The following HORMAD1 variants were observed in gnomAD, a reference collection of about 807,000 sequenced individuals.
HORMAD1 encodes HORMA domain containing 1.
A neutral mutation model predicts 58.2 loss-of-function variants in HORMAD1; 33 were observed. That is an observed-to-expected ratio of 0.57 (90% CI 0.43 to 0.76). The LOEUF is 0.76. Ranked by LOEUF, HORMAD1 falls within the 30% of genes least tolerant of loss-of-function variation. The pLI is 0.00. For synonymous variants in HORMAD1, 137 were observed against 144.6 expected, an observed-to-expected ratio of 0.95 and a Z score of 0.38; for missense variants, 363 against 462.0, an observed-to-expected ratio of 0.79 and a Z score of 1.96.
intron 7 of HORMAD1, among the ~76,000 whole-genome samples, chr1:150,710,270 C>A (rs1651833839): frequency 2.0e-5 from 3 of 152,112 alleles, no homozygotes; most frequent in Admixed American, 2.0e-4. Context: ...AGGCAACATA[C>A]CTCAGCAGAG....
In HORMAD1 at chr1:150,704,187, A is replaced by C; in HGVS notation, c.879T>G (p.Ser293Arg). Residue 293 changes from serine to arginine, a missense_variant, in exon 12 of 15, where the codon AGT becomes AGG. Coordinates refer to ENST00000361824, the MANE Select transcript of HORMAD1 (RefSeq NM_032132.5). Reference protein sequence around the residue: ...NPASSELEEPSLVCEEDEIMR... With the variant: ...NPASSELEEPRLVCEEDEIMR... ...TAATTTCATCTTCCTCACAAACTAA[A>C]CTTGGTTCTGTAAAAAAAAAAAAAA... 1 of 1,581,268 alleles carries C rather than the reference A, an allele frequency of 6.3e-7. No individual in the cohort carries two copies. The highest frequency in any genetic ancestry group is 2.2e-5 in the East Asian group (1 of 44,586).
chr1:150,713,858 AGT>A (rs1240975952), intron 5 of HORMAD1: 20 of 509,044 alleles, frequency 3.9e-5, no homozygotes, highest in Non-Finnish European at 6.3e-5. Context: ...AATACAAATA[AGT>A]GTTAAAAAAA....
intron 9 of HORMAD1, among the ~76,000 whole-genome samples, 174 bp from the exon 10 acceptor site, chr1:150,706,983 A>C (rs1053438588): frequency 2.0e-5 from 3 of 152,190 alleles, no homozygotes; most frequent in African/African-American, 7.2e-5. Flanking sequence ...CCTAAAGGTA[A>C]GCTTTGTTTT....
intron 1 of HORMAD1, among the ~76,000 whole-genome samples, chr1:150,720,068 A>ATATATT (rs1652202082): frequency 1.6e-5 from 1 of 62,134 alleles, no homozygotes; most frequent in Non-Finnish European, 3.8e-5. Context: ...TGCCCACCAT[A>ATATATT]TATATATATA....
In HORMAD1 at chr1:150,717,352, T is replaced by C. The variant is rs1652112323; in HGVS notation, c.34-70A>G. 4.0e-6 allele frequency: 4 copies of C among 994,272 alleles called. No homozygotes were observed. In the South Asian group the frequency reaches 8.8e-5, roughly 22 times the overall value. 61.6% of individuals were successfully genotyped at this position (994,272 alleles called of 1,614,324 possible). A position where few individuals can be genotyped will look rare whatever the true frequency, so the allele number is the denominator to read the frequency against. The stretch of plus-strand genomic sequence containing the variant: ...AAATAAAGTTTCTCTTGACTTAACA[T>C]ATATCCAATTTTGTATAATCATAGT... On this transcript the variant is annotated intron_variant, in intron 2 of 14. Coordinates refer to ENST00000361824, the MANE Select transcript of HORMAD1 (RefSeq NM_032132.5).
intron 13 of HORMAD1, among the ~76,000 whole-genome samples, chr1:150,701,489 A>G (rs1377350600): frequency 6.6e-6 from 1 of 152,164 alleles, no homozygotes; most frequent in Non-Finnish European, 1.5e-5. Flanking sequence ...ACAAACCTTG[A>G]GGCATTTGCT....
chr1:150,712,040 A>G (rs1053908762), intron 5 of HORMAD1, among the ~76,000 whole-genome samples, 187 bp from the exon 6 acceptor site: 4 of 152,322 alleles, frequency 2.6e-5, no homozygotes, highest in Middle Eastern at 3.4e-3. Context: ...ATCCCCTGAA[A>G]TATCTATTGC....
chr1:150,719,761 T>C (rs1237721842), intron 1 of HORMAD1, among the ~76,000 whole-genome samples: 1 of 152,202 alleles, frequency 6.6e-6, no homozygotes, highest in Non-Finnish European at 1.5e-5. Context: ...AAATGGGTTA[T>C]TAAGAAACTG....
chr1:150,704,030 A>AT (rs1366461803), intron 12 of HORMAD1, 88 bp downstream of exon 12: 1 of 806,038 alleles, frequency 1.2e-6, no homozygotes, highest in African/African-American at 1.8e-5. Context: ...AAGACCTGGA[A>AT]TAAGAAAATC....
intron 5 of HORMAD1, 59 bp from the exon 6 acceptor site, chr1:150,711,912 C>G: frequency 8.8e-7 from 1 of 1,134,120 alleles, no homozygotes; most frequent in Non-Finnish European, 1.3e-6. Context: ...TTTTTCATTA[C>G]GAATCATAAG....
At chr1:150,700,229 C>T (rs1376125055) in intron 13 of HORMAD1, 46 bp from the exon 14 acceptor site, 2 of 986,240 alleles carry the variant, frequency 2.0e-6, no homozygotes, top group African/African-American at 3.2e-5. Context: ...TCTCAAAGAA[C>T]AGCCAACACT....
intron 9 of HORMAD1, 113 bp from the exon 10 acceptor site, chr1:150,706,922 G>A: frequency 1.2e-6 from 1 of 860,618 alleles, no homozygotes. Context: ...AAGGGCATAA[G>A]GTAAAACATA....
At position 150,717,445 on chromosome 1, in the gene HORMAD1, G is replaced by T. The variant is rs1177530915; in HGVS notation, c.34-163C>A. The stretch of plus-strand genomic sequence containing the variant: ...CAAAAGTCAGAGCGGCATGTAAAAT[G>T]TGAGGGTATTTCTAGGGTAATAGCC... On this transcript the variant is annotated intron_variant, in intron 2 of 14. Transcript: ENST00000361824. The T allele has an allele frequency of 1.2e-5, 5 of 412,288 alleles. 1 individual carries two copies. In the South Asian group the frequency reaches 3.9e-4, roughly 32 times the overall value. The allele number at this position is 412,288 out of a possible 1,614,324, so 25.5% of individuals were successfully genotyped here.
chr1:150,704,336 A>G lies in HORMAD1; in HGVS notation c.812T>C (p.Leu271Ser). The G allele has an allele frequency of 5.7e-6, 9 of 1,569,292 alleles. No individual in the cohort carries two copies. Among genetic ancestry groups the G allele is most frequent in the Non-Finnish European group, 7.8e-6 (9 of 1,156,888 alleles). ...TTCTTCCATTTTAGTTTCAATGTCC[A>G]AATCATCCTACATAATTATGTGAAG... Reference protein sequence around the residue: ...DEQEHYTSDDLDIETKMEEQE... With the variant: ...DEQEHYTSDDSDIETKMEEQE... Residue 271 changes from leucine to serine, a missense_variant, in exon 11 of 15, where the codon TTG becomes TCG. Transcript: ENST00000361824.
chr1:150,709,739 G>A (rs12071245), intron 7 of HORMAD1, among the ~76,000 whole-genome samples: 2 of 151,204 alleles, frequency 1.3e-5, no homozygotes, highest in African/African-American at 2.4e-5. Flanking sequence ...TGAATGTCTC[G>A]GTATAAAACC....
chr1:150,705,269 T>A (rs1651659424), intron 10 of HORMAD1, among the ~76,000 whole-genome samples: 1 of 152,150 alleles, frequency 6.6e-6, no homozygotes, highest in African/African-American at 2.4e-5. Flanking sequence ...CTCATGCCTG[T>A]AATCCCAGCA....
At chr1:150,698,922 C>A (rs16839888) in intron 14 of HORMAD1, 188 bp from the exon 15 acceptor site, 7,842 of 442,132 alleles carry the variant, frequency 0.018, 515 homozygotes, top group African/African-American at 0.14. Context: ...CCAATGGCTG[C>A]TGAAAGTATG....
At chr1:150,719,564 C>T in intron 1 of HORMAD1, 26 bp from the exon 2 acceptor site, 1 of 1,211,736 alleles carries the variant, frequency 8.3e-7, no homozygotes, top group Non-Finnish European at 1.2e-6. Flanking sequence ...CAAGCTTTAA[C>T]TTAGAGCTCA....
At position 150,710,069 on chromosome 1, in the gene HORMAD1, C is replaced by T. The variant is rs758385928; in HGVS notation, c.328-1108G>A. The stretch of plus-strand genomic sequence containing the variant: ...GGGAACTCAGAGACCGGCGCCGGTG[C>T]AGGTCCTTGGTATGCTGAGCGCCGG... On this transcript the variant is annotated intron_variant, in intron 7 of 14. Transcript: ENST00000361824. 1.1e-3 allele frequency among the ~76,000 whole-genome samples: 172 copies of T among 152,228 alleles called. 2 individuals carry two copies. The highest frequency in any genetic ancestry group is 3.4e-3 in the Middle Eastern group (1 of 294).
Sources: gnomAD v4.1 joint callset for allele counts (sites outside exome capture counted in the v4.1 genomes callset) on GRCh38, gnomAD v4.1.1 for gene constraint, MANE v1.5 for transcripts, NCBI Gene and HGNC (gene_info 2026-07-23, HGNC 2026-07-21) for gene names.